ACSS3: variants seen among roughly 807,000 people sequenced by gnomAD.
ACSS3 encodes the protein acyl-CoA synthetase short-chain family member 3, mitochondrial.
In ACSS3, 64 loss-of-function variants were observed where a neutral mutation model predicts 84.2. That is an observed-to-expected ratio of 0.76 (90% CI 0.62 to 0.94). ACSS3 has a LOEUF of 0.94. ACSS3 is among the 40% of genes least tolerant of loss of function. The probability of loss-of-function intolerance (pLI) is 0.00; values close to 1 mark genes in which losing one functional copy is unlikely to be tolerated. For missense variants in ACSS3, 815 were observed against 867.6 expected (o/e 0.94, Z 0.76); for synonymous variants, 317 against 310.1 (o/e 1.02, Z -0.23).
intron 7 of ACSS3, among the ~76,000 whole-genome samples, chr12:81,164,079 G>C (rs1380201744): frequency 6.6e-6 from 1 of 152,126 alleles, no homozygotes; most frequent in Non-Finnish European, 1.5e-5. Flanking sequence ...CTCACTCACT[G>C]ACTCACACAA....
At chr12:81,146,987 C>G (rs976743901) in intron 5 of ACSS3, among the ~76,000 whole-genome samples, 115 of 152,058 alleles carry the variant, frequency 7.6e-4, no homozygotes, top group African/African-American at 2.7e-3. Context: ...TGGGCACTTA[C>G]TTCCTGCCCC....
chr12:81,248,801 C>A (rs1389923043), intron 13 of ACSS3, among the ~76,000 whole-genome samples: 2 of 151,818 alleles, frequency 1.3e-5, no homozygotes, highest in African/African-American at 2.4e-5. Context: ...ATGCATGTAA[C>A]AAAATATCAC....
At chr12:81,109,800 C>A in intron 2 of ACSS3, 96 bp downstream of exon 2, 1 of 1,003,576 alleles carries the variant, frequency 1.0e-6, no homozygotes, top group Non-Finnish European at 1.4e-6. Flanking sequence ...TTCTCTAATG[C>A]ATTGAAATAT....
At chr12:81,192,795 A>G (rs1376217064) in intron 8 of ACSS3, among the ~76,000 whole-genome samples, 1 of 152,202 alleles carries the variant, frequency 6.6e-6, no homozygotes, top group Non-Finnish European at 1.5e-5. Flanking sequence ...CCAATTAGCA[A>G]GTGTCCCAAG....
chr12:81,146,817 A>G (rs1249344843), intron 5 of ACSS3, among the ~76,000 whole-genome samples: 3 of 152,218 alleles, frequency 2.0e-5, no homozygotes. Flanking sequence ...TTTAGTGATT[A>G]TAATATTTAT....
Position 81,220,622 on chromosome 12 carries a change from T to C in ACSS3, c.1514+546T>C, listed in dbSNP as rs557394071. Among the ~76,000 whole-genome samples, 14 of 152,176 alleles carry C rather than the reference T, an allele frequency of 9.2e-5. No individual in the cohort carries two copies. The South Asian group carries it at 2.7e-3, about 29-fold the overall frequency. On this transcript the variant is annotated intron_variant, in intron 11 of 15. Transcript: ENST00000548058. ...CACACCTTTTGGACTCCCCAGAGTT[T>C]CTAGTTTTCATCATTATGTCCATGT... is the stretch of plus-strand genomic sequence containing the variant.
intron 13 of ACSS3, among the ~76,000 whole-genome samples, chr12:81,236,034 A>G (rs2033619678): frequency 1.3e-5 from 2 of 151,456 alleles, no homozygotes; most frequent in Non-Finnish European, 3.0e-5. Context: ...AAGAGCAGAC[A>G]CCCTTGTCTT....
chr12:81,226,740 A>G (rs2033287153), intron 11 of ACSS3, among the ~76,000 whole-genome samples: 1 of 151,886 alleles, frequency 6.6e-6, no homozygotes, highest in South Asian at 2.1e-4. Context: ...GAAACTTTCA[A>G]AGAGTCAGCT....
At chr12:81,142,985 T>G in intron 4 of ACSS3, 122 bp from the exon 5 acceptor site, 1 of 884,384 alleles carries the variant, frequency 1.1e-6, no homozygotes, top group South Asian at 4.8e-5. Flanking sequence ...AATCTGATGT[T>G]CAGTGCCATA....
At chr12:81,247,052 G>T (rs1360028112) in intron 13 of ACSS3, among the ~76,000 whole-genome samples, 2 of 102,328 alleles carry the variant, frequency 2.0e-5, no homozygotes, top group African/African-American at 3.0e-5. Context: ...TTGAGTAAAA[G>T]GAAGGAACTT....
chr12:81,084,434 G>A (rs1881188947), intron 1 of ACSS3, among the ~76,000 whole-genome samples: 1 of 152,118 alleles, frequency 6.6e-6, no homozygotes, highest in South Asian at 2.1e-4. Flanking sequence ...CGGGATGCAG[G>A]GAAGTAAAGA....
intron 2 of ACSS3, among the ~76,000 whole-genome samples, chr12:81,119,021 A>T (rs1436594164): frequency 6.6e-6 from 1 of 152,138 alleles, no homozygotes; most frequent in Non-Finnish European, 1.5e-5. Flanking sequence ...GGTTCTTTCT[A>T]ATTTCCCTAA....
At chr12:81,082,846 A>G (rs958958919) in intron 1 of ACSS3, among the ~76,000 whole-genome samples, 3 of 152,152 alleles carry the variant, frequency 2.0e-5, no homozygotes, top group Non-Finnish European at 2.9e-5. Context: ...GACGGTATCT[A>G]TTTCTAAGGA....
At position 81,256,022 on chromosome 12, in the gene ACSS3, T is replaced by C. The variant is rs2034283020; in HGVS notation, c.*1100T>C. ...ACTCTTAAGAGAGAAACATCAAGGT[T>C]TTCACATTAGGTTAAAGACAAGAAG... is the stretch of plus-strand genomic sequence containing the variant. On this transcript the variant is annotated 3_prime_UTR_variant, in exon 16 of 16. Coordinates refer to ENST00000548058, the MANE Select transcript of ACSS3 (RefSeq NM_024560.4). The C allele has an allele frequency of 6.6e-6, 1 of 152,136 alleles. No individual in the cohort carries two copies. The highest frequency in any genetic ancestry group is 1.5e-5 in the Non-Finnish European group (1 of 68,026). 9.4% of individuals were successfully genotyped at this position (152,136 alleles called of 1,614,324 possible). A position where few individuals can be genotyped will look rare whatever the true frequency, so the allele number is the denominator to read the frequency against.
chr12:81,160,268 A>G (rs1887084399), intron 7 of ACSS3, among the ~76,000 whole-genome samples: 1 of 152,204 alleles, frequency 6.6e-6, no homozygotes, highest in Non-Finnish European at 1.5e-5. Flanking sequence ...TTTGTATTTC[A>G]CATATGGTAT....
intron 11 of ACSS3, among the ~76,000 whole-genome samples, chr12:81,228,405 C>A (rs966804782): frequency 1.3e-5 from 2 of 151,772 alleles, no homozygotes; most frequent in Admixed American, 6.6e-5. Context: ...TCTTCAGGAA[C>A]TTTGTGCAGA....
chr12:81,114,729 G>T (rs1019133965), intron 2 of ACSS3, among the ~76,000 whole-genome samples: 1 of 152,052 alleles, frequency 6.6e-6, no homozygotes, highest in Admixed American at 6.6e-5. Flanking sequence ...AGTTATAGTC[G>T]TTCATGCATT....
At chr12:81,105,702 A>C (rs907591033) in intron 1 of ACSS3, among the ~76,000 whole-genome samples, 2 of 152,232 alleles carry the variant, frequency 1.3e-5, no homozygotes, top group African/African-American at 4.8e-5. Context: ...AATACATGGC[A>C]AGTGCTGTAT....
intron 9 of ACSS3, among the ~76,000 whole-genome samples, chr12:81,206,903 A>G (rs2032371863): frequency 6.6e-6 from 1 of 152,162 alleles, no homozygotes; most frequent in Admixed American, 6.6e-5. Context: ...TCATTGAATC[A>G]GACATTTCAT....
Sources: allele counts gnomAD v4.1 joint callset (sites outside exome capture counted in the v4.1 genomes callset), GRCh38; gene constraint gnomAD v4.1.1; transcripts MANE v1.5; gene names NCBI Gene and HGNC (gene_info 2026-07-23, HGNC 2026-07-21).